The following DOCK2 variants were observed in gnomAD, a reference collection of about 807,000 sequenced individuals.
DOCK2 encodes the protein dedicator of cytokinesis 2.
A neutral mutation model predicts 248.9 loss-of-function variants in DOCK2; 87 were observed. The observed-to-expected ratio is 0.35, with a 90% CI of 0.29 to 0.42. The LOEUF is 0.42. Among genes scored for constraint, DOCK2 ranks in the 10% least tolerant of loss-of-function variants. DOCK2 has a pLI of 1.00. For missense variants in DOCK2, 1,747 were observed against 2,300.2 expected (o/e 0.76, Z 4.92); for synonymous variants, 805 against 821.6 (o/e 0.98, Z 0.35).
At chr5:169,829,655 A>G (rs1769101068) in intron 26 of DOCK2, among the ~76,000 whole-genome samples, 1 of 152,236 alleles carries the variant, frequency 6.6e-6, no homozygotes, top group Non-Finnish European at 1.5e-5. Flanking sequence ...TTAAAGTATT[A>G]AGTATCAAAA....
chr5:169,721,154 A>G (rs868574), intron 22 of DOCK2, among the ~76,000 whole-genome samples: 47,648 of 152,132 alleles, frequency 0.31, 9,060 homozygotes, highest in East Asian at 0.6. Flanking sequence ...TAACTCTTTA[A>G]CTGGTGTAAA....
chr5:170,055,167 G>A, intron 41 of DOCK2, 138 bp from the exon 42 acceptor site: 2 of 746,424 alleles, frequency 2.7e-6, no homozygotes. Context: ...CTAGTGGGCA[G>A]CCAGCAACCT....
intron 27 of DOCK2, among the ~76,000 whole-genome samples, chr5:169,904,157 T>C (rs1774138240): frequency 1.3e-5 from 2 of 150,360 alleles, no homozygotes; most frequent in South Asian, 4.2e-4. Flanking sequence ...GCTGCCTAGA[T>C]CCTTTGTACT....
chr5:170,064,128 G>C lies in DOCK2; in HGVS notation c.4468-3382G>C, dbSNP rs989133825. On this transcript the variant is annotated intron_variant, in intron 44 of 51. Transcript: ENST00000520908. ...AGAGGAACCCTAACATTTCACACTG[G>C]ATGGCTTGGTCAGATCCTTCTTCTA... is the stretch of plus-strand genomic sequence containing the variant. Among the ~76,000 whole-genome samples the C allele has an allele frequency of 2.6e-5, 4 of 152,242 alleles. No individual in the cohort carries two copies. In the East Asian group the frequency reaches 7.7e-4, roughly 29 times the overall value.
At chr5:170,080,350 A>G in intron 50 of DOCK2, 67 bp downstream of exon 50, 1 of 1,598,268 alleles carries the variant, frequency 6.3e-7, no homozygotes, top group Non-Finnish European at 8.5e-7. Flanking sequence ...TTGTGGGTGG[A>G]GGATGGATGG....
At chr5:169,943,629 G>A in intron 27 of DOCK2, among the ~76,000 whole-genome samples, 1 of 152,094 alleles carries the variant, frequency 6.6e-6, no homozygotes, top group East Asian at 1.9e-4. Context: ...TTATCTGCCT[G>A]GCCTCATCAG....
At chr5:169,710,535 A>C (rs17071616) in intron 15 of DOCK2, among the ~76,000 whole-genome samples, 2,557 of 152,328 alleles carry the variant, frequency 0.017, 66 homozygotes, top group African/African-American at 0.059. Flanking sequence ...ACTAAGCAGA[A>C]AGGAATAACC....
chr5:169,688,815 G>GT (rs1373224402), intron 8 of DOCK2, among the ~76,000 whole-genome samples: 4 of 152,162 alleles, frequency 2.6e-5, no homozygotes. Flanking sequence ...CATTCAAAGG[G>GT]TAACTTAAAA....
chr5:169,854,806 T>TC (rs1455263922), intron 27 of DOCK2, among the ~76,000 whole-genome samples: 9 of 152,192 alleles, frequency 5.9e-5, no homozygotes, highest in Middle Eastern at 3.4e-3. Flanking sequence ...GACAATTGTG[T>TC]CCCCCCAGAA....
intron 30 of DOCK2, chr5:169,998,161 C>A (rs1337865372): frequency 5.0e-6 from 2 of 401,400 alleles, no homozygotes; most frequent in East Asian, 7.1e-5. Context: ...CTCTTCATAG[C>A]ACTAAATATC....
chr5:170,067,130 C>T (rs1757519732), intron 44 of DOCK2, among the ~76,000 whole-genome samples: 5 of 152,186 alleles, frequency 3.3e-5, no homozygotes, highest in Admixed American at 2.0e-4. Flanking sequence ...GTGCCCACAT[C>T]GCAAGCTGCT....
At chr5:169,669,386 A>G in intron 3 of DOCK2, 58 bp downstream of exon 3, 3 of 1,584,076 alleles carry the variant, frequency 1.9e-6, no homozygotes, top group South Asian at 2.2e-5. Context: ...TGGCCCCGCT[A>G]TCCCATCTGA....
At chr5:169,938,910 C>T (rs1211365934) in intron 27 of DOCK2, among the ~76,000 whole-genome samples, 6 of 141,246 alleles carry the variant, frequency 4.2e-5, no homozygotes, top group Middle Eastern at 3.7e-3. Flanking sequence ...TTTTTCTTTT[C>T]TTTTTTTTTT....
rs1561616330 is a variant in DOCK2, at chr5:169,702,701, T to TATGTATG, written c.1383+274_1383+275insATGTATG. On this transcript the variant is annotated intron_variant, in intron 14 of 51. Coordinates refer to ENST00000520908, the MANE Select transcript of DOCK2 (RefSeq NM_004946.3). ...TGTATGTATGTATGTATGTATGTAT[T>TATGTATG]TATTTATTTATTTACTTTTGCTTGG... 500 of 105,634 alleles carry TATGTATG rather than the reference T, an allele frequency of 4.7e-3. 7 individuals are homozygous for TATGTATG. Among genetic ancestry groups the TATGTATG allele is most frequent in the African/African-American group, 0.024 (475 of 19,716 alleles). 6.5% of individuals were successfully genotyped at this position (105,634 alleles called of 1,614,324 possible).
At chr5:169,748,168 C>CTTT (rs10688965) in intron 23 of DOCK2, among the ~76,000 whole-genome samples, 36,130 of 148,054 alleles carry the variant, frequency 0.24, 5,791 homozygotes, top group African/African-American at 0.43. Flanking sequence ...ATTGCTGCTG[C>CTTT]TTTTTTTTTT....
intron 47 of DOCK2, 64 bp from the exon 48 acceptor site, chr5:170,077,646 A>G: frequency 6.3e-7 from 1 of 1,596,460 alleles, no homozygotes; most frequent in Non-Finnish European, 8.5e-7. Flanking sequence ...GAAGAAGGTG[A>G]CAGGAAGGCT....
chr5:169,668,791 G>A (rs573039121), intron 2 of DOCK2, among the ~76,000 whole-genome samples: 21 of 152,048 alleles, frequency 1.4e-4, no homozygotes, highest in Non-Finnish European at 2.8e-4. Flanking sequence ...TTTGTAAATC[G>A]CATTTTAGAC....
intron 27 of DOCK2, among the ~76,000 whole-genome samples, chr5:169,965,923 A>G (rs1033351418): frequency 1.3e-5 from 2 of 152,206 alleles, no homozygotes; most frequent in Non-Finnish European, 2.9e-5. Flanking sequence ...ATCCAGGAAC[A>G]GATTATCCAC....
intron 29 of DOCK2, among the ~76,000 whole-genome samples, chr5:169,988,789 A>G (rs537110896): frequency 1.7e-4 from 26 of 152,172 alleles, no homozygotes; most frequent in Non-Finnish European, 3.7e-4. Flanking sequence ...TCTCCATATT[A>G]TTAAGTGCAT....
Sources: allele counts gnomAD v4.1 joint callset (sites outside exome capture counted in the v4.1 genomes callset), GRCh38; gene constraint gnomAD v4.1.1; transcripts MANE v1.5; gene names NCBI Gene and HGNC (gene_info 2026-07-23, HGNC 2026-07-21).